The following ZDHHC14 variants were observed in gnomAD, a reference collection of about 807,000 sequenced individuals.
The protein encoded by ZDHHC14 is zDHHC palmitoyltransferase 14.
A neutral mutation model predicts 47.7 loss-of-function variants in ZDHHC14; 16 were observed. The ratio of observed to expected loss-of-function variants is 0.34; its 90% CI spans 0.23 to 0.51. The LOEUF is 0.51. ZDHHC14 is among the 20% of genes least tolerant of loss of function. ZDHHC14 has a pLI of 0.97. For missense variants in ZDHHC14, 515 were observed against 662.5 expected (o/e 0.78, Z 2.44); for synonymous variants, 293 against 278.9 (o/e 1.05, Z -0.50).
intron 8 of ZDHHC14, among the ~76,000 whole-genome samples, chr6:157,659,920 A>G (rs1778273267): frequency 6.6e-6 from 1 of 152,216 alleles, no homozygotes; most frequent in South Asian, 2.1e-4. Context: ...ACTTCAAGCC[A>G]TTCTAAGAAC....
chr6:157,581,441 T>G (rs1055622437), intron 2 of ZDHHC14, among the ~76,000 whole-genome samples: 1 of 152,102 alleles, frequency 6.6e-6, no homozygotes, highest in Non-Finnish European at 1.5e-5. Flanking sequence ...CTAGGTCCAT[T>G]TGGTCCAGTA....
rs1034083230 is a variant in ZDHHC14 at position 157,502,923 on chromosome 6, T to C, written c.246-39662T>C. Among the ~76,000 whole-genome samples, 1 of 152,194 alleles carries C rather than the reference T, an allele frequency of 6.6e-6. No individual in the cohort carries two copies. The highest frequency in any genetic ancestry group is 1.5e-5 in the Non-Finnish European group (1 of 68,022). ...CCAGGCTGGTCTCGAACTCCTGTCC[T>C]CAAGTGATCAACTTGCCTTGGCTTC... On this transcript the variant is annotated intron_variant, in intron 1 of 8. Coordinates refer to ENST00000359775, the MANE Select transcript of ZDHHC14 (RefSeq NM_024630.3). This position sits in a 1 kb window ranked among gnomAD's most constrained non-coding sequence, Gnocchi z 4.0.
intron 2 of ZDHHC14, among the ~76,000 whole-genome samples, chr6:157,573,881 T>C (rs1783195659): frequency 6.6e-6 from 1 of 151,834 alleles, no homozygotes; most frequent in African/African-American, 2.4e-5. Context: ...CCCATGGGCC[T>C]TGGTGGGGAG....
At chr6:157,544,508 G>T (rs1204910715) in intron 2 of ZDHHC14, among the ~76,000 whole-genome samples, 2 of 152,138 alleles carry the variant, frequency 1.3e-5, no homozygotes, top group African/African-American at 2.4e-5. Context: ...AATTGGCAGG[G>T]TGTGGTGGTG....
chr6:157,553,334 C>T (rs1412488368), intron 2 of ZDHHC14, among the ~76,000 whole-genome samples: 16 of 152,136 alleles, frequency 1.1e-4, no homozygotes, highest in Admixed American at 9.8e-4. Context: ...CAGAAACAGA[C>T]ATAGAAGCCC....
intron 1 of ZDHHC14, among the ~76,000 whole-genome samples, chr6:157,416,972 G>GTTTTTTTTTTTTTTTTT (rs71027335): frequency 3.1e-4 from 14 of 45,558 alleles, no homozygotes; most frequent in Non-Finnish European, 3.8e-4. Flanking sequence ...TGCCTGGCTA[G>GTTTTTTTTTTTTTTTTT]TTTTTTTTTT....
chr6:157,460,760 G>A (rs962594287), intron 1 of ZDHHC14, among the ~76,000 whole-genome samples: 2 of 152,172 alleles, frequency 1.3e-5, no homozygotes, highest in Non-Finnish European at 2.9e-5. Context: ...ACTGGGCCCC[G>A]TGTGGAAACA....
chr6:157,655,421 C>G (rs1417282015), intron 8 of ZDHHC14, among the ~76,000 whole-genome samples: 1 of 152,218 alleles, frequency 6.6e-6, no homozygotes, highest in African/African-American at 2.4e-5. Context: ...TGCCCACGTT[C>G]ACTTCTTACA....
rs191665520 is a variant in ZDHHC14 at position 157,451,180 on chromosome 6, G to A, written c.245+68914G>A. 2.2e-3 allele frequency among the ~76,000 whole-genome samples: 337 copies of A among 151,896 alleles called. 1 individual carries two copies. The highest frequency in any genetic ancestry group is 7.7e-3 in the African/African-American group (318 of 41,178). On this transcript the variant is annotated intron_variant, in intron 1 of 8. Transcript: ENST00000359775. ...TGCTGTGATCTTGACCTTCTTCAGA[G>A]CTTACAGATGCTAATCCTTGGTGCA...
At chr6:157,433,438 G>T (rs530464386) in intron 1 of ZDHHC14, among the ~76,000 whole-genome samples, 23 of 152,298 alleles carry the variant, frequency 1.5e-4, no homozygotes, top group African/African-American at 5.5e-4. Context: ...GAAAGAAAAA[G>T]ATTACAAAAG....
intron 3 of ZDHHC14, among the ~76,000 whole-genome samples, chr6:157,605,938 C>T (rs1784524175): frequency 6.6e-6 from 1 of 152,134 alleles, no homozygotes; most frequent in Admixed American, 6.5e-5. Flanking sequence ...TGAGCCCAGG[C>T]AAAGTCATAA....
intron 8 of ZDHHC14, among the ~76,000 whole-genome samples, chr6:157,659,707 G>A (rs1295078149): frequency 6.6e-6 from 1 of 152,244 alleles, no homozygotes; most frequent in East Asian, 1.9e-4. Flanking sequence ...GCCTTGGAAA[G>A]CCTGCAGCAC....
At position 157,499,053 on chromosome 6, in the gene ZDHHC14, G is replaced by GA. The variant is rs796706700; in HGVS notation, c.246-43521dup. Among the ~76,000 whole-genome samples the GA allele has an allele frequency of 5.8e-3, 835 of 143,342 alleles. 6 individuals carry two copies. The highest frequency in any genetic ancestry group is 0.019 in the African/African-American group (763 of 39,284). The allele number at this position is 143,342 out of a possible 152,430, so 94.0% of individuals were successfully genotyped here. ...TGTATTCAGTTCTGAAACTTGAAGA[G>GA]AAAAAAAAAAAGAAAATGCTGATAA... is the stretch of plus-strand genomic sequence containing the variant. On this transcript the variant is annotated intron_variant, in intron 1 of 8. Transcript: ENST00000359775.
intron 1 of ZDHHC14, among the ~76,000 whole-genome samples, chr6:157,451,342 G>A (rs1778798623): frequency 6.6e-6 from 1 of 152,178 alleles, no homozygotes. Context: ...ATAGAGAAAG[G>A]TGAAATCTAT....
chr6:157,382,303 C>A, intron 1 of ZDHHC14, 37 bp downstream of exon 1: 11 of 1,606,334 alleles, frequency 6.8e-6, no homozygotes, highest in African/African-American at 1.3e-5. Flanking sequence ...CGCCGCACTC[C>A]CCTGGTCTCC....
chr6:157,543,206 A>G (rs146597145), intron 2 of ZDHHC14, among the ~76,000 whole-genome samples: 11 of 152,220 alleles, frequency 7.2e-5, no homozygotes, highest in African/African-American at 2.2e-4. Context: ...TTATTTAGGT[A>G]TAATAAACAT....
chr6:157,408,449 TC>T (rs1456229708), intron 1 of ZDHHC14, among the ~76,000 whole-genome samples: 1 of 152,170 alleles, frequency 6.6e-6, no homozygotes, highest in Non-Finnish European at 1.5e-5. Flanking sequence ...CCTGATGCTC[TC>T]CCTCCACGCC....
At chr6:157,545,387 G>A (rs1781930616) in intron 2 of ZDHHC14, among the ~76,000 whole-genome samples, 1 of 150,238 alleles carries the variant, frequency 6.7e-6, no homozygotes, top group East Asian at 1.9e-4. Context: ...AAAAAAAAAG[G>A]AGGAGGAGGC....
chr6:157,452,441 T>C (rs1778823792), intron 1 of ZDHHC14, among the ~76,000 whole-genome samples: 1 of 152,156 alleles, frequency 6.6e-6, no homozygotes, highest in African/African-American at 2.4e-5. Context: ...TGTTTTGGAG[T>C]ATGTTTGTGT....
Sources: allele counts gnomAD v4.1 joint callset (sites outside exome capture counted in the v4.1 genomes callset), GRCh38; gene constraint gnomAD v4.1.1; non-coding constraint Gnocchi (gnomAD v3.1); transcripts MANE v1.5; gene names NCBI Gene and HGNC (gene_info 2026-07-23, HGNC 2026-07-21).